GOLGA5: variants seen among roughly 807,000 people sequenced by gnomAD.
GOLGA5 encodes golgin subfamily A member 5.
Under a neutral mutation model 93.5 loss-of-function variants are expected in GOLGA5, and 50 were observed. The observed-to-expected ratio is 0.53, with a 90% CI of 0.43 to 0.68. The LOEUF is 0.68. Among genes scored for constraint, GOLGA5 ranks in the 30% least tolerant of loss-of-function variants. The probability of loss-of-function intolerance (pLI) is 0.00; values close to 1 mark genes in which losing one functional copy is unlikely to be tolerated. For synonymous variants in GOLGA5, 312 were observed against 304.5 expected (o/e 1.02, Z -0.26); for missense variants, 760 against 856.4 (o/e 0.89, Z 1.40).
At chr14:92,837,507 T>G in intron 12 of GOLGA5, 58 bp downstream of exon 12, 1 of 771,078 alleles carries the variant, frequency 1.3e-6, no homozygotes, top group Non-Finnish European at 2.3e-6. Flanking sequence ...AGTTTTTTTT[T>G]TTGTTTGTTT....
chr14:92,810,375 C>A lies in GOLGA5; in HGVS notation c.1114C>A (p.Gln372Lys). The change falls in exon 5 of 13, where the codon CAG becomes AAG. Residue 372 changes from glutamine to lysine, a missense_variant and splice_region_variant. Transcript: ENST00000163416. ...AGAGCAGGAGAGCTATAAACAGATG[C>A]AGGTTAGAATGAGAGACAGCAGATT... ...KREQESYKQM[Q>K]SEFAARLNKV... 1 of 1,569,772 alleles carries A rather than the reference C, an allele frequency of 6.4e-7. No homozygotes were observed. The highest frequency in any genetic ancestry group is 2.4e-5 in the East Asian group (1 of 42,156).
chr14:92,807,008 ATAAACT>A, intron 3 of GOLGA5, 45 bp downstream of exon 3: 1 of 1,345,740 alleles, frequency 7.4e-7, no homozygotes, highest in Non-Finnish European at 1.1e-6. Flanking sequence ...ACTTTTAAAA[ATAAACT>A]TAAGGCTGGA....
intron 7 of GOLGA5, 110 bp downstream of exon 7, chr14:92,816,531 C>G (rs1285914673): frequency 3.0e-6 from 2 of 656,936 alleles, no homozygotes; most frequent in Non-Finnish European, 4.8e-6. Flanking sequence ...CGCTTCTCTT[C>G]GCTTCGCTTC....
chr14:92,824,078 T>C (rs898177024), intron 8 of GOLGA5, among the ~76,000 whole-genome samples: 2 of 152,168 alleles, frequency 1.3e-5, no homozygotes, highest in African/African-American at 4.8e-5. Context: ...TACTGAATTA[T>C]TGTTTTTCTT....
chr14:92,828,452 A>G (rs559743923), intron 9 of GOLGA5, among the ~76,000 whole-genome samples: 2 of 152,260 alleles, frequency 1.3e-5, no homozygotes, highest in Non-Finnish European at 2.9e-5. Flanking sequence ...ATTGCTCAGA[A>G]TAAAAGATTC....
intron 2 of GOLGA5, among the ~76,000 whole-genome samples, chr14:92,804,099 C>G (rs1354643868): frequency 6.6e-6 from 1 of 152,058 alleles, no homozygotes; most frequent in Non-Finnish European, 1.5e-5. Context: ...CATTAGTTTT[C>G]TTCCTTCCTG....
chr14:92,829,865 C>T (rs1024299425), intron 9 of GOLGA5, among the ~76,000 whole-genome samples: 1 of 152,126 alleles, frequency 6.6e-6, no homozygotes, highest in African/African-American at 2.4e-5. Flanking sequence ...ATGTGACAAA[C>T]TTTGTTGTTA....
chr14:92,800,731 A>C (rs184065814), intron 2 of GOLGA5, among the ~76,000 whole-genome samples: 3 of 152,332 alleles, frequency 2.0e-5, no homozygotes, highest in Admixed American at 1.3e-4. Flanking sequence ...GTTCTTAGCC[A>C]ATAAAAGTTG....
Position 92,809,367 on chromosome 14 carries a change from T to C in GOLGA5, c.840T>C (p.Thr280=). The C allele has an allele frequency of 6.2e-7, 1 of 1,613,544 alleles. No individual in the cohort carries two copies. Among genetic ancestry groups the C allele is most frequent in the South Asian group, 1.1e-5 (1 of 91,070 alleles). ...ACCATTCAAAGAGTGATCGAATGACTCGAGGACTCCGAGCCCAAGTAGATG... is the reference window on the plus strand; with the variant it reads ...ACCATTCAAAGAGTGATCGAATGACCCGAGGACTCCGAGCCCAAGTAGATG... ...NADHSKSDRM[T]RGLRAQVDDL... is the part of the protein sequence containing the mutation. The change falls in exon 4 of 13, where the codon ACT becomes ACC. Residue 280 remains threonine, a synonymous_variant. Coordinates refer to ENST00000163416, the MANE Select transcript of GOLGA5 (RefSeq NM_005113.4).
chr14:92,835,686 G>A (rs1030143259), intron 11 of GOLGA5, 22 bp downstream of exon 11: 1 of 1,388,754 alleles, frequency 7.2e-7, no homozygotes. Flanking sequence ...CAGTAGGGAT[G>A]AGTGATGGAC....
At chr14:92,827,845 T>C (rs1011403531) in intron 9 of GOLGA5, among the ~76,000 whole-genome samples, 17 of 152,200 alleles carry the variant, frequency 1.1e-4, no homozygotes, top group African/African-American at 4.1e-4. Flanking sequence ...GTGGTCTGGA[T>C]AGATCAAACC....
In GOLGA5 at chr14:92,806,787, A is replaced by T; in HGVS notation, c.596A>T (p.Lys199Met). ...SSHEGQEESS[K>M]ENVSSNAACP... The stretch of plus-strand genomic sequence containing the variant: ...CATGAAGGTCAAGAGGAATCTTCAA[A>T]GGAAAATGTGTCATCAAATGCTGCC... The change falls in exon 3 of 13, where the codon AAG (lysine) becomes ATG (methionine). Residue 199 changes from lysine to methionine, a missense_variant. Transcript: ENST00000163416. 1 of 1,614,080 alleles carries T rather than the reference A, an allele frequency of 6.2e-7. No individual in the cohort carries two copies. The highest frequency in any genetic ancestry group is 8.5e-7 in the Non-Finnish European group (1 of 1,179,912).
intron 12 of GOLGA5, 134 bp from the exon 13 acceptor site, chr14:92,839,232 T>G: frequency 3.2e-6 from 2 of 619,888 alleles, no homozygotes; most frequent in South Asian, 4.0e-5. Context: ...ATTTAGTTGT[T>G]TCATTCATTC....
At chr14:92,802,373 G>A (rs1394608891) in intron 2 of GOLGA5, among the ~76,000 whole-genome samples, 1 of 151,912 alleles carries the variant, frequency 6.6e-6, no homozygotes, top group East Asian at 1.9e-4. Context: ...AATCTAGATG[G>A]CTCTTAATCT....
At position 92,805,991 on chromosome 14, in the gene GOLGA5, A is replaced by C. The variant is rs139338272; in HGVS notation, c.545-745A>C. Among the ~76,000 whole-genome samples, 543 of 146,600 alleles carry C rather than the reference A, an allele frequency of 3.7e-3. 3 individuals are homozygous for C. The highest frequency in any genetic ancestry group is 6.5e-3 in the Non-Finnish European group (430 of 66,650). On this transcript the variant is annotated intron_variant, in intron 2 of 12. Transcript: ENST00000163416. ...ATTCCAGTTTGATTAAAAAAAAAAA[A>C]CAAAAAACCTTGTAGTGACCTGTTA...
At chr14:92,816,178 C>G in intron 6 of GOLGA5, 73 bp from the exon 7 acceptor site, 1 of 972,014 alleles carries the variant, frequency 1.0e-6, no homozygotes, top group Admixed American at 2.3e-5. Flanking sequence ...GGGTTATTTT[C>G]TGTATAGTAG....
intron 2 of GOLGA5, among the ~76,000 whole-genome samples, chr14:92,804,151 G>T (rs534693690): frequency 6.6e-6 from 1 of 152,026 alleles, no homozygotes; most frequent in Admixed American, 6.5e-5. Context: ...ATTTCCTTCA[G>T]AATACTGCCT....
intron 5 of GOLGA5, 68 bp downstream of exon 5, chr14:92,810,445 A>G (rs1455159345): frequency 4.2e-6 from 5 of 1,194,726 alleles, no homozygotes; most frequent in African/African-American, 3.2e-5. Context: ...ATGCTGTTTC[A>G]TAGCACATTA....
At chr14:92,816,544 T>G in intron 7 of GOLGA5, 123 bp downstream of exon 7, 1 of 712,262 alleles carries the variant, frequency 1.4e-6, no homozygotes, top group Non-Finnish European at 2.3e-6. Context: ...TTCGCTTCGC[T>G]TCTCTTCTCT....
Sources: allele counts gnomAD v4.1 joint callset (sites outside exome capture counted in the v4.1 genomes callset), GRCh38; gene constraint gnomAD v4.1.1; transcripts MANE v1.5; gene names NCBI Gene and HGNC (gene_info 2026-07-23, HGNC 2026-07-21).